The following CCN4 variants were observed in gnomAD, a reference collection of about 807,000 sequenced individuals.
CCN4 encodes the protein CCN family member 4.
A neutral mutation model predicts 36.7 loss-of-function variants in CCN4; 30 were observed. That is an observed-to-expected ratio of 0.82 (90% CI 0.61 to 1.11). CCN4 has a LOEUF of 1.11. CCN4 is among the 50% of genes least tolerant of loss of function. The pLI is 0.00. For synonymous variants in CCN4, 191 were observed against 195.4 expected (o/e 0.98, Z 0.19); for missense variants, 505 against 504.9 (o/e 1.00, Z 0.00).
chr8:133,222,891 A>G (rs1048469781), intron 3 of CCN4, among the ~76,000 whole-genome samples: 1 of 151,914 alleles, frequency 6.6e-6, no homozygotes, highest in African/African-American at 2.4e-5. Context: ...ATCTTGGATG[A>G]AGGAATTCTT....
In CCN4 at chr8:133,229,724, C is replaced by T. The variant is rs539740720; in HGVS notation, c.*2014C>T. ...CTGTGCATGTGTTCCTACTTTTATT[C>T]GAAGCTCTCTTCTTCCAAAGCTACA... On this transcript the variant is annotated 3_prime_UTR_variant, in exon 5 of 5. Transcript: ENST00000250160. The T allele has an allele frequency of 5.3e-5, 8 of 152,298 alleles. No individual in the cohort carries two copies. The highest frequency in any genetic ancestry group is 1.9e-4 in the East Asian group (1 of 5,192). The allele number at this position is 152,298 out of a possible 1,614,324, so 9.4% of individuals were successfully genotyped here. A position where few individuals can be genotyped will look rare whatever the true frequency, so the allele number is the denominator to read the frequency against.
intron 1 of CCN4, 147 bp downstream of exon 1, chr8:133,191,360 G>C (rs1298779539): frequency 1.0e-6 from 1 of 973,014 alleles, no homozygotes; most frequent in Non-Finnish European, 1.5e-6. Flanking sequence ...ACAGAGCCCA[G>C]GGTGAGGAGT....
In CCN4 at chr8:133,198,634, T is replaced by TAGGG. The variant is rs565164500; in HGVS notation, c.69+7421_69+7422insAGGG. 3.0e-4 allele frequency among the ~76,000 whole-genome samples: 45 copies of TAGGG among 152,370 alleles called. No individual in the cohort carries two copies. In the East Asian group the frequency reaches 4.0e-3, roughly 14 times the overall value. Reference sequence around the variant, plus strand: ...CCCCATGCTTCTCTGATTCATGAAATTGAAGCCATCTGAACTGGTGGCCTC... The same window carrying TAGGG: ...CCCCATGCTTCTCTGATTCATGAAATAGGGTGAAGCCATCTGAACTGGTGGCCTC... On this transcript the variant is annotated intron_variant, in intron 1 of 4. Coordinates refer to ENST00000250160, the MANE Select transcript of CCN4 (RefSeq NM_003882.4).
intron 2 of CCN4, among the ~76,000 whole-genome samples, chr8:133,215,521 C>T (rs1854288323): frequency 6.6e-6 from 1 of 152,168 alleles, no homozygotes; most frequent in Non-Finnish European, 1.5e-5. Flanking sequence ...AGGCACCACT[C>T]ATTTATAGAT....
At chr8:133,194,402 G>A (rs1191916211) in intron 1 of CCN4, among the ~76,000 whole-genome samples, 1 of 122,530 alleles carries the variant, frequency 8.2e-6, no homozygotes, top group Non-Finnish European at 1.7e-5. Context: ...GTGTGGGGGT[G>A]TGTGTGGATT....
chr8:133,227,781 CT>C lies in CCN4; in HGVS notation c.*75del. ...AGCAGTCAGCCCTTATGGCCAATAA[CT>C]TTTCACCAATGAGCCTTAGTTACCC... On this transcript the variant is annotated 3_prime_UTR_variant, in exon 5 of 5. Coordinates refer to ENST00000250160, the MANE Select transcript of CCN4 (RefSeq NM_003882.4). 1 of 1,519,662 alleles carries C rather than the reference CT, an allele frequency of 6.6e-7. No homozygotes were observed. The allele number at this position is 1,519,662 out of a possible 1,614,324, so 94.1% of individuals were successfully genotyped here.
At chr8:133,196,444 C>T (rs1406139156) in intron 1 of CCN4, among the ~76,000 whole-genome samples, 1 of 152,154 alleles carries the variant, frequency 6.6e-6, no homozygotes, top group African/African-American at 2.4e-5. Context: ...TCTATTATTC[C>T]ACTAAACTTC....
At chr8:133,193,814 C>T (rs1853201768) in intron 1 of CCN4, among the ~76,000 whole-genome samples, 1 of 152,204 alleles carries the variant, frequency 6.6e-6, no homozygotes, top group South Asian at 2.1e-4. Flanking sequence ...TAGCCTCCTG[C>T]CTCCCTGGTC....
intron 2 of CCN4, among the ~76,000 whole-genome samples, chr8:133,218,874 G>A (rs567175545): frequency 1.3e-5 from 2 of 152,166 alleles, no homozygotes; most frequent in South Asian, 2.1e-4. Flanking sequence ...GAGAACACTT[G>A]AGTCCACCCA....
intron 3 of CCN4, among the ~76,000 whole-genome samples, chr8:133,222,108 G>T (rs991805405): frequency 6.6e-6 from 1 of 151,870 alleles, no homozygotes; most frequent in Non-Finnish European, 1.5e-5. Flanking sequence ...ATGATGGATG[G>T]ATCAATTAAT....
chr8:133,225,915 C>G (rs537759348), intron 4 of CCN4, among the ~76,000 whole-genome samples: 1 of 152,178 alleles, frequency 6.6e-6, no homozygotes, highest in South Asian at 2.1e-4. Context: ...GCCAGCCCAC[C>G]CCCACACAGC....
chr8:133,226,710 T>G (rs1854749743), intron 4 of CCN4, among the ~76,000 whole-genome samples: 2 of 152,202 alleles, frequency 1.3e-5, no homozygotes, highest in South Asian at 4.1e-4. Flanking sequence ...TCCAGAATTA[T>G]GTGCCCTCAG....
chr8:133,226,015 C>A (rs913897615), intron 4 of CCN4, among the ~76,000 whole-genome samples: 1 of 152,118 alleles, frequency 6.6e-6, no homozygotes, highest in African/African-American at 2.4e-5. Context: ...GTGACTGTGG[C>A]CAATCTCTGC....
Position 133,220,613 on chromosome 8 carries a change from G to T in CCN4, c.382G>T (p.Val128Leu), listed in dbSNP as rs974244675. The change falls in exon 3 of 5, where the codon GTG (valine) becomes TTG (leucine). Residue 128 changes from valine to leucine, a missense_variant. Transcript: ENST00000250160. ...CGGTGTGGGCTGCGTCCTGGATGGG[G>T]TGCGCTACAACAACGGCCAGTCCTT... Reference protein sequence around the residue: ...VVGVGCVLDGVRYNNGQSFQP... With the variant: ...VVGVGCVLDGLRYNNGQSFQP... 4 of 1,614,050 alleles carry T rather than the reference G, an allele frequency of 2.5e-6. No homozygotes were observed. The African/African-American group carries it at 5.3e-5, about 22-fold the overall frequency.
intron 1 of CCN4, among the ~76,000 whole-genome samples, chr8:133,203,550 T>C (rs917288329): frequency 6.6e-6 from 1 of 152,192 alleles, no homozygotes; most frequent in Admixed American, 6.5e-5. Flanking sequence ...CACTAATAAC[T>C]GCTCATTAAG....
At chr8:133,196,138 A>G (rs991053094) in intron 1 of CCN4, among the ~76,000 whole-genome samples, 2 of 152,206 alleles carry the variant, frequency 1.3e-5, no homozygotes, top group African/African-American at 2.4e-5. Flanking sequence ...GATGGTGGCA[A>G]GGGTTCACAC....
At chr8:133,201,025 C>A (rs1385550543) in intron 1 of CCN4, among the ~76,000 whole-genome samples, 1 of 152,176 alleles carries the variant, frequency 6.6e-6, no homozygotes, top group Non-Finnish European at 1.5e-5. Flanking sequence ...GTCCTATTCC[C>A]AACCCCATGC....
intron 1 of CCN4, among the ~76,000 whole-genome samples, chr8:133,194,441 TG>T (rs1853246741): frequency 1.7e-5 from 1 of 57,806 alleles, no homozygotes; most frequent in African/African-American, 1.1e-4. Flanking sequence ...TATGTGTGTG[TG>T]GTGTGTGTGT....
intron 3 of CCN4, among the ~76,000 whole-genome samples, chr8:133,221,529 TGAC>T (rs1254076868): frequency 1.3e-5 from 2 of 151,964 alleles, no homozygotes; most frequent in East Asian, 1.9e-4. Flanking sequence ...GATGGATAGA[TGAC>T]GGATGAATAG....
Sources: allele counts gnomAD v4.1 joint callset (sites outside exome capture counted in the v4.1 genomes callset), GRCh38; gene constraint gnomAD v4.1.1; transcripts MANE v1.5; gene names NCBI Gene and HGNC (gene_info 2026-07-23, HGNC 2026-07-21).